Variants in AKT3 observed in about 807,000 individuals in gnomAD.
AKT3 encodes AKT serine/threonine kinase 3.
In AKT3, 15 loss-of-function variants were observed where a neutral mutation model predicts 65.3. That is an observed-to-expected ratio of 0.23 (90% CI 0.15 to 0.35). The LOEUF (loss-of-function observed/expected upper bound fraction) is 0.35, where lower values mean the gene tolerates loss of function less well. Ranked by LOEUF, AKT3 falls within the 10% of genes least tolerant of loss-of-function variation. AKT3 has a pLI of 1.00. For synonymous variants in AKT3, 206 were observed against 183.8 expected, an observed-to-expected ratio of 1.12 and a Z score of -0.98; for missense variants, 243 against 576.5, an observed-to-expected ratio of 0.42 and a Z score of 5.92.
intron 3 of AKT3, among the ~76,000 whole-genome samples, chr1:243,691,719 T>C (rs1203262604): frequency 6.6e-6 from 1 of 152,170 alleles, no homozygotes; most frequent in Non-Finnish European, 1.5e-5. Flanking sequence ...TGAGTTTATC[T>C]TAGGACGTAC....
chr1:243,630,264 C>G (rs74153927), intron 6 of AKT3, among the ~76,000 whole-genome samples: 2,551 of 152,242 alleles, frequency 0.017, 71 homozygotes, highest in African/African-American at 0.059. Context: ...AGTCAAAGTC[C>G]AAAATCTCAT....
chr1:243,607,879 C>T (rs1399651317), intron 8 of AKT3, among the ~76,000 whole-genome samples: 4 of 152,172 alleles, frequency 2.6e-5, no homozygotes, highest in Admixed American at 6.5e-5. Context: ...TCTCACAAGA[C>T]GGTTTTATAA....
intron 2 of AKT3, among the ~76,000 whole-genome samples, chr1:243,802,852 G>C (rs1461275338): frequency 1.3e-5 from 2 of 152,290 alleles, no homozygotes; most frequent in South Asian, 4.1e-4. Flanking sequence ...ATGCTTATCA[G>C]TAAGAATTTT....
At chr1:243,687,732 A>G (rs186858151) in intron 3 of AKT3, 1 of 152,258 alleles carries the variant, frequency 6.6e-6, no homozygotes, top group African/African-American at 2.4e-5. Context: ...GAGCCTGAAG[A>G]AGGAAATATG....
chr1:243,623,781 T>C (rs1459920469), intron 6 of AKT3, among the ~76,000 whole-genome samples: 1 of 152,164 alleles, frequency 6.6e-6, no homozygotes, highest in Admixed American at 6.6e-5. Context: ...TGGCCTGTCT[T>C]GGGAATTTTC....
chr1:243,692,785 C>T (rs993692860), intron 3 of AKT3, among the ~76,000 whole-genome samples: 2 of 151,888 alleles, frequency 1.3e-5, no homozygotes, highest in African/African-American at 4.8e-5. Flanking sequence ...CCAAAGGCTG[C>T]ATTGTCACAT....
chr1:243,650,320 G>A (rs1015305223), intron 4 of AKT3, among the ~76,000 whole-genome samples: 2 of 152,132 alleles, frequency 1.3e-5, no homozygotes, highest in Admixed American at 1.3e-4. Context: ...TTTGTCAGAC[G>A]AATAGATTGC....
chr1:243,805,976 T>C (rs1269975171), intron 2 of AKT3, among the ~76,000 whole-genome samples: 1 of 152,202 alleles, frequency 6.6e-6, no homozygotes, highest in East Asian at 1.9e-4. Flanking sequence ...CCAAATTTTC[T>C]GAAAATGGCA....
intron 2 of AKT3, 148 bp from the exon 3 acceptor site, chr1:243,695,864 A>G: frequency 3.7e-6 from 2 of 534,942 alleles, no homozygotes; most frequent in Non-Finnish European, 5.7e-6. Context: ...CTTACAAAAG[A>G]AAATACATAA....
intron 2 of AKT3, among the ~76,000 whole-genome samples, chr1:243,730,134 G>A (rs1687457731): frequency 6.6e-6 from 1 of 152,122 alleles, no homozygotes; most frequent in Non-Finnish European, 1.5e-5. Context: ...CCAATGAAAT[G>A]GTGTTTTTTC....
intron 2 of AKT3, among the ~76,000 whole-genome samples, chr1:243,815,662 A>G (rs1180290340): frequency 6.6e-6 from 1 of 151,228 alleles, no homozygotes; most frequent in Non-Finnish European, 1.5e-5. Context: ...TTTTAGCACA[A>G]TCTTAGCTCA....
At chr1:243,592,310 G>C (rs1386491914) in intron 8 of AKT3, among the ~76,000 whole-genome samples, 3 of 151,772 alleles carry the variant, frequency 2.0e-5, no homozygotes, top group East Asian at 1.9e-4. Context: ...ACTCCAGCCT[G>C]GGCGACAGAG....
At chr1:243,592,125 GGA>G (rs1676270339) in intron 8 of AKT3, among the ~76,000 whole-genome samples, 1 of 152,094 alleles carries the variant, frequency 6.6e-6, no homozygotes, top group South Asian at 2.1e-4. Flanking sequence ...CACGAGGTCA[GGA>G]GATCGAGACC....
chr1:243,659,624 C>A (rs1174228810), intron 4 of AKT3, among the ~76,000 whole-genome samples: 1 of 151,958 alleles, frequency 6.6e-6, no homozygotes, highest in Non-Finnish European at 1.5e-5. Context: ...GTGTTATCCA[C>A]AATCAGTGAG....
chr1:243,596,496 A>G (rs888637801), intron 8 of AKT3, among the ~76,000 whole-genome samples: 2 of 152,184 alleles, frequency 1.3e-5, no homozygotes, highest in African/African-American at 4.8e-5. Flanking sequence ...ATTTCCTATC[A>G]TTAGTCATAA....
At chr1:243,624,106 G>A (rs1678974358) in intron 6 of AKT3, among the ~76,000 whole-genome samples, 1 of 152,210 alleles carries the variant, frequency 6.6e-6, no homozygotes, top group Non-Finnish European at 1.5e-5. Flanking sequence ...GCCATCATAA[G>A]TAGGACTCAT....
intron 2 of AKT3, among the ~76,000 whole-genome samples, chr1:243,703,817 T>C (rs1685628946): frequency 2.0e-5 from 3 of 151,438 alleles, no homozygotes; most frequent in Admixed American, 2.0e-4. Flanking sequence ...GTTCATATTA[T>C]CTACATTGCA....
chr1:243,696,373 A>AGT (rs767727185), intron 2 of AKT3, among the ~76,000 whole-genome samples: 32 of 151,978 alleles, frequency 2.1e-4, no homozygotes, highest in Non-Finnish European at 4.1e-4. Flanking sequence ...AGAACATAAT[A>AGT]GTCAATAAAT....
chr1:243,795,466 T>G (rs1691918415), intron 2 of AKT3, among the ~76,000 whole-genome samples: 5 of 96,760 alleles, frequency 5.2e-5, no homozygotes, highest in Admixed American at 1.2e-4. Flanking sequence ...TTTTTTGTTT[T>G]TTTTTTTTGG....
Sources: gnomAD v4.1 joint callset for allele counts (sites outside exome capture counted in the v4.1 genomes callset) on GRCh38, gnomAD v4.1.1 for gene constraint, MANE v1.5 for transcripts, NCBI Gene and HGNC (gene_info 2026-07-23, HGNC 2026-07-21) for gene names.